The following USP53 variants were observed in gnomAD, a reference collection of about 807,000 sequenced individuals.
USP53 encodes ubiquitin carboxyl-terminal hydrolase 53.
Under a neutral mutation model 94.9 loss-of-function variants are expected in USP53, and 71 were observed. The observed-to-expected ratio is 0.75, with a 90% CI of 0.62 to 0.91. The LOEUF (loss-of-function observed/expected upper bound fraction) is 0.91, where lower values mean the gene tolerates loss of function less well. Ranked by LOEUF, USP53 falls within the 40% of genes least tolerant of loss-of-function variation. The probability of loss-of-function intolerance (pLI) is 0.00; values close to 1 mark genes in which losing one functional copy is unlikely to be tolerated. For missense variants in USP53, 1,173 were observed against 1,281.0 expected, an observed-to-expected ratio of 0.92 and a Z score of 1.29; for synonymous variants, 375 against 422.7, an observed-to-expected ratio of 0.89 and a Z score of 1.39.
chr4:119,279,280 G>T, intron 17 of USP53, among the ~76,000 whole-genome samples: 1 of 127,672 alleles, frequency 7.8e-6, no homozygotes, highest in African/African-American at 3.1e-5. Flanking sequence ...TGGGTTTTTG[G>T]TGTGGATGTC....
intron 3 of USP53, chr4:119,221,112 A>G (rs1056208932): frequency 1.3e-5 from 2 of 152,218 alleles, no homozygotes; most frequent in East Asian, 3.8e-4. Context: ...AAGGAAGTCC[A>G]AAAGTTGAGG....
intron 3 of USP53, chr4:119,221,188 A>G (rs997137905): frequency 6.6e-6 from 1 of 152,166 alleles, no homozygotes; most frequent in Non-Finnish European, 1.5e-5. Flanking sequence ...CTTTGTCAAT[A>G]TTTTCTGACA....
chr4:119,213,660 A>ATATATATATATG lies in USP53; in HGVS notation c.-941-409_-941-408insATATATATATGT. On this transcript the variant is annotated intron_variant, in intron 1 of 18. Coordinates refer to ENST00000692078, the MANE Select transcript of USP53 (RefSeq NM_001371395.1). ...GAAATAGATATATATATATATATAT[A>ATATATATATATG]TGTGTGTGTGTGTATGTATGTATGT... Among the ~76,000 whole-genome samples, 97 of 117,780 alleles carry ATATATATATATG rather than the reference A, an allele frequency of 8.2e-4. 1 individual carries two copies. The highest frequency in any genetic ancestry group is 4.6e-3 in the South Asian group (16 of 3,474). The allele number at this position is 117,780 out of a possible 152,430, so 77.3% of individuals were successfully genotyped here. A position where few individuals can be genotyped will look rare whatever the true frequency, so the allele number is the denominator to read the frequency against.
intron 3 of USP53, among the ~76,000 whole-genome samples, chr4:119,232,478 A>G (rs527846492): frequency 6.6e-6 from 1 of 152,064 alleles, no homozygotes; most frequent in South Asian, 2.1e-4. Flanking sequence ...CTTCCTTTTT[A>G]TGGCTGAATA....
At chr4:119,219,784 A>G (rs146345320) in intron 3 of USP53, 1 of 152,322 alleles carries the variant, frequency 6.6e-6, no homozygotes, top group East Asian at 1.9e-4. Flanking sequence ...AGGAGAAAAG[A>G]TAGTTTGATA....
intron 17 of USP53, among the ~76,000 whole-genome samples, chr4:119,280,957 G>C (rs577868335): frequency 6.6e-6 from 1 of 152,144 alleles, no homozygotes; most frequent in Non-Finnish European, 1.5e-5. Flanking sequence ...TTTCAGAGAA[G>C]GTAGAAAAGT....
chr4:119,285,009 G>A (rs180783151), intron 17 of USP53, among the ~76,000 whole-genome samples: 5 of 151,966 alleles, frequency 3.3e-5, no homozygotes, highest in Admixed American at 3.3e-4. Flanking sequence ...TTTGCGTTTT[G>A]TTTTGTTTGT....
chr4:119,270,379 T>A (rs756174074), intron 15 of USP53, among the ~76,000 whole-genome samples: 12 of 152,068 alleles, frequency 7.9e-5, no homozygotes, highest in Non-Finnish European at 1.5e-4. Flanking sequence ...ATTACAGGGG[T>A]ACCCAGACCT....
At chr4:119,254,282 G>A (rs1476345034) in intron 7 of USP53, among the ~76,000 whole-genome samples, 3 of 152,098 alleles carry the variant, frequency 2.0e-5, no homozygotes, top group Non-Finnish European at 4.4e-5. Flanking sequence ...TAGAGGTTGG[G>A]GAAGTTCTCC....
intron 17 of USP53, among the ~76,000 whole-genome samples, chr4:119,287,209 T>G (rs1271242382): frequency 6.6e-6 from 1 of 152,138 alleles, no homozygotes; most frequent in Non-Finnish European, 1.5e-5. Flanking sequence ...GGCAAATTTT[T>G]TTTTTTAAAG....
At chr4:119,281,793 A>T (rs1753539163) in intron 17 of USP53, among the ~76,000 whole-genome samples, 1 of 152,178 alleles carries the variant, frequency 6.6e-6, no homozygotes, top group Non-Finnish European at 1.5e-5. Context: ...TGATGCACTT[A>T]AAAATGCTTT....
chr4:119,219,575 A>G (rs1279157676), intron 3 of USP53: 1 of 152,230 alleles, frequency 6.6e-6, no homozygotes, highest in African/African-American at 2.4e-5. Flanking sequence ...TCAACCCATA[A>G]TAGGTATAAT....
chr4:119,213,655 T>TAG (rs1462565282), intron 1 of USP53, among the ~76,000 whole-genome samples: 3 of 127,890 alleles, frequency 2.3e-5, no homozygotes, highest in East Asian at 2.2e-4. Flanking sequence ...TATATATATA[T>TAG]ATATATGTGT....
At chr4:119,222,266 T>C (rs1744640589) in intron 3 of USP53, among the ~76,000 whole-genome samples, 1 of 152,224 alleles carries the variant, frequency 6.6e-6, no homozygotes. Context: ...TCAGGGTTGT[T>C]GGGATGTCCA....
intron 9 of USP53, among the ~76,000 whole-genome samples, chr4:119,258,142 A>T (rs1375281466): frequency 2.6e-5 from 4 of 152,370 alleles, no homozygotes; most frequent in Admixed American, 2.6e-4. Flanking sequence ...TGATGAAGAA[A>T]TAGGTTTAAT....
chr4:119,271,337 C>T lies in USP53; in HGVS notation c.1477C>T (p.Pro493Ser). ...CCTTTCACATTTCCAATCTGGATCA[C>T]CTCCTGCCCCAAATGGTTTTAAACA... ...EDLSHFQSGS[P>S]PAPNGFKQHG... The change falls in exon 16 of 19, where the codon CCT (proline) becomes TCT (serine). Residue 493 changes from proline (P) to serine (S), a missense_variant. Transcript: ENST00000692078. 2.5e-6 allele frequency: 4 copies of T among 1,591,846 alleles called. No homozygotes were observed. The highest frequency in any genetic ancestry group is 3.4e-6 in the Non-Finnish European group (4 of 1,172,976).
At chr4:119,273,524 G>C (rs1390764410) in intron 16 of USP53, 108 bp from the exon 17 acceptor site, 3 of 739,282 alleles carry the variant, frequency 4.1e-6, no homozygotes, top group Non-Finnish European at 6.7e-6. Flanking sequence ...TTAAGCCCTA[G>C]AACAGCACAT....
chr4:119,247,729 T>C (rs1748443318), intron 6 of USP53, among the ~76,000 whole-genome samples: 1 of 152,182 alleles, frequency 6.6e-6, no homozygotes, highest in African/African-American at 2.4e-5. Context: ...CAGTCTCGCA[T>C]AGGATTAAAA....
Position 119,212,806 on chromosome 4 carries a change from G to A in USP53, c.-1009G>A, listed in dbSNP as rs1743035991. 3.5e-6 allele frequency: 1 copy of A among 289,524 alleles called. No individual in the cohort carries two copies. Among genetic ancestry groups the A allele is most frequent in the South Asian group, 3.2e-5 (1 of 31,686 alleles). The allele number at this position is 289,524 out of a possible 1,614,324, so 17.9% of individuals were successfully genotyped here. A position where few individuals can be genotyped will look rare whatever the true frequency, so the allele number is the denominator to read the frequency against. On this transcript the variant is annotated 5_prime_UTR_variant, in exon 1 of 19. Coordinates refer to ENST00000692078, the MANE Select transcript of USP53 (RefSeq NM_001371395.1). ...CTGGGCCAGCGGGAGGTAGCTCTGT[G>A]GGAGTGGAAGGCCTGTATTTCTCTA...
Sources: gnomAD v4.1 joint callset for allele counts (sites outside exome capture counted in the v4.1 genomes callset) on GRCh38, gnomAD v4.1.1 for gene constraint, MANE v1.5 for transcripts, NCBI Gene and HGNC (gene_info 2026-07-23, HGNC 2026-07-21) for gene names.